Variants in SOX5 observed in about 807,000 individuals in gnomAD.
The protein encoded by SOX5 is transcription factor SOX-5.
A neutral mutation model predicts 92.0 loss-of-function variants in SOX5; 9 were observed. That is an observed-to-expected ratio of 0.10 (90% CI 0.06 to 0.17). SOX5 has a LOEUF of 0.17. SOX5 is among the 10% of genes least tolerant of loss of function. SOX5 has a pLI of 1.00. For synonymous variants in SOX5, 344 were observed against 336.3 expected (o/e 1.02, Z -0.25); for missense variants, 642 against 944.5 (o/e 0.68, Z 4.20).
chr12:23,739,328 A>G (rs1235233924), intron 5 of SOX5, among the ~76,000 whole-genome samples: 1 of 152,170 alleles, frequency 6.6e-6, no homozygotes. Flanking sequence ...CTAATAGTTC[A>G]TAGGCATTGC....
intron 1 of SOX5, among the ~76,000 whole-genome samples, chr12:24,435,742 C>T (rs1274530550): frequency 1.3e-5 from 2 of 150,930 alleles, no homozygotes; most frequent in African/African-American, 4.9e-5. Context: ...CTTTATTGCA[C>T]TTCACAGATA....
At chr12:24,202,146 T>C (rs74068439) in intron 4 of SOX5, among the ~76,000 whole-genome samples, 5,957 of 152,162 alleles carry the variant, frequency 0.039, 384 homozygotes, top group African/African-American at 0.13. Context: ...ATCCCCGGGG[T>C]TTACACAGTG....
intron 4 of SOX5, among the ~76,000 whole-genome samples, chr12:23,746,538 G>C (rs1464895394): frequency 2.0e-5 from 3 of 152,094 alleles, no homozygotes; most frequent in African/African-American, 7.2e-5. Context: ...ATCTATGCTA[G>C]TCCTGTTCCA....
At chr12:23,949,699 T>G, upstream of SOX5, 3 of 1,586,706 alleles carry the variant, frequency 1.9e-6, no homozygotes, top group Admixed American at 5.2e-5. Flanking sequence ...CCAATTGATT[T>G]TCTCTCTGTC....
chr12:23,854,685 G>T (rs999369410), intron 2 of SOX5, among the ~76,000 whole-genome samples: 2 of 151,996 alleles, frequency 1.3e-5, no homozygotes, highest in Non-Finnish European at 2.9e-5. Context: ...ATAAAGATGG[G>T]TTAAGCACAG....
At chr12:23,877,456 T>C (rs1257630639) in intron 2 of SOX5, among the ~76,000 whole-genome samples, 1 of 152,088 alleles carries the variant, frequency 6.6e-6, no homozygotes, top group Non-Finnish European at 1.5e-5. Flanking sequence ...TTCTATGTAG[T>C]CCTATGAAAT....
chr12:24,184,865 A>G (rs1955858121), intron 4 of SOX5, among the ~76,000 whole-genome samples: 1 of 152,204 alleles, frequency 6.6e-6, no homozygotes, highest in South Asian at 2.1e-4. Context: ...ATTCTCATAC[A>G]TAAAGCTACT....
intron 4 of SOX5, among the ~76,000 whole-genome samples, chr12:24,029,517 C>G (rs1378369325): frequency 1.3e-5 from 2 of 151,870 alleles, no homozygotes; most frequent in Non-Finnish European, 2.9e-5. Context: ...TCAAGCGATC[C>G]CCCCACTTCA....
At chr12:23,662,934 T>C (rs918034208) in intron 7 of SOX5, among the ~76,000 whole-genome samples, 1 of 152,178 alleles carries the variant, frequency 6.6e-6, no homozygotes, top group Non-Finnish European at 1.5e-5. Flanking sequence ...TTGAAGACTA[T>C]GTAATAAAGT....
chr12:23,532,561 C>T lies in SOX5; in HGVS notation c.*1658G>A, dbSNP rs1939320598. ...GCAGTCCCATCACATTCAGTTGTTG[C>T]TCTTTGCAAATACTCTGCTTGAACC... On this transcript the variant is annotated 3_prime_UTR_variant, in exon 15 of 15. Coordinates refer to ENST00000451604, the MANE Select transcript of SOX5 (RefSeq NM_006940.6). 6.6e-6 allele frequency: 1 copy of T among 152,268 alleles called. No homozygotes were observed. Among genetic ancestry groups the T allele is most frequent in the African/African-American group, 2.4e-5 (1 of 41,462 alleles). The allele number at this position is 152,268 out of a possible 1,614,324, so 9.4% of individuals were successfully genotyped here.
chr12:24,282,387 A>C (rs1450501177), intron 2 of SOX5, among the ~76,000 whole-genome samples: 1 of 138,952 alleles, frequency 7.2e-6, no homozygotes, highest in Non-Finnish European at 1.5e-5. Context: ...AAAATTAAAA[A>C]ATAAATAAAT....
chr12:24,493,911 T>TA, intron 1 of SOX5, among the ~76,000 whole-genome samples: 1 of 151,904 alleles, frequency 6.6e-6, no homozygotes, highest in Admixed American at 6.6e-5. Context: ...ATAGTGTTTA[T>TA]AAAAAATCAG....
At chr12:23,966,713 C>A (rs559733693) in intron 4 of SOX5, among the ~76,000 whole-genome samples, 15 of 152,262 alleles carry the variant, frequency 9.9e-5, no homozygotes, top group Admixed American at 8.5e-4. Flanking sequence ...TCTTCAGTTG[C>A]CTCCTTTGTA....
chr12:24,067,649 T>C (rs748167637), intron 4 of SOX5, among the ~76,000 whole-genome samples: 2 of 152,178 alleles, frequency 1.3e-5, no homozygotes, highest in Non-Finnish European at 2.9e-5. Flanking sequence ...TATTCTGAGA[T>C]TGATCAACGA....
intron 4 of SOX5, among the ~76,000 whole-genome samples, chr12:24,043,515 ATC>A (rs1325024855): frequency 2.2e-4 from 34 of 152,306 alleles, no homozygotes; most frequent in African/African-American, 7.7e-4. Context: ...TGGGACAATC[ATC>A]TGTTCTACCC....
intron 4 of SOX5, among the ~76,000 whole-genome samples, chr12:24,197,445 A>G (rs1030518812): frequency 1.3e-5 from 2 of 152,216 alleles, no homozygotes; most frequent in Admixed American, 1.3e-4. Context: ...TAAGACTGGA[A>G]AAGGCAGTCA....
At chr12:24,271,190 C>T (rs1369762403) in intron 3 of SOX5, among the ~76,000 whole-genome samples, 1 of 152,164 alleles carries the variant, frequency 6.6e-6, no homozygotes, top group Non-Finnish European at 1.5e-5. Flanking sequence ...AACTGCTAGA[C>T]GTTCTACTTT....
At chr12:24,087,584 CT>C (rs1261247377) in intron 4 of SOX5, among the ~76,000 whole-genome samples, 3 of 151,996 alleles carry the variant, frequency 2.0e-5, no homozygotes, top group African/African-American at 7.2e-5. Flanking sequence ...AGATAATATG[CT>C]TTTCATTTTG....
chr12:23,738,457 G>A (rs1464550877), intron 5 of SOX5: 4 of 152,224 alleles, frequency 2.6e-5, no homozygotes. Flanking sequence ...GCTATCACCA[G>A]GGATCTTCTC....
Sources: allele counts gnomAD v4.1 joint callset (sites outside exome capture counted in the v4.1 genomes callset), GRCh38; gene constraint gnomAD v4.1.1; transcripts MANE v1.5; gene names NCBI Gene and HGNC (gene_info 2026-07-23, HGNC 2026-07-21).